SCN3A: variants seen among roughly 807,000 people sequenced by gnomAD.
SCN3A encodes the protein sodium voltage-gated channel alpha subunit 3, also known as sodium channel protein type 3 subunit alpha.
Under a neutral mutation model 187.6 loss-of-function variants are expected in SCN3A, and 60 were observed. That is an observed-to-expected ratio of 0.32 (90% CI 0.26 to 0.40). The LOEUF is 0.40. Among genes scored for constraint, SCN3A ranks in the 10% least tolerant of loss-of-function variants. The pLI is 1.00. For synonymous variants in SCN3A, 788 were observed against 829.2 expected (o/e 0.95, Z 0.85); for missense variants, 1,601 against 2,428.2 (o/e 0.66, Z 7.16).
intron 9 of SCN3A, among the ~76,000 whole-genome samples, chr2:165,160,923 G>T (rs2014205): frequency 6.6e-6 from 1 of 151,194 alleles, no homozygotes; most frequent in South Asian, 2.1e-4. Flanking sequence ...TTACAGGTGT[G>T]AGCCACCGCT....
intron 16 of SCN3A, among the ~76,000 whole-genome samples, chr2:165,130,998 G>C (rs1687283037): frequency 6.6e-6 from 1 of 151,968 alleles, no homozygotes. Context: ...TTAAAACACA[G>C]TTTTAGAAAG....
chr2:165,090,428 G>A lies in SCN3A; in HGVS notation c.5725C>T (p.Arg1909Cys), dbSNP rs200752113. The A allele has an allele frequency of 1.4e-5, 23 of 1,613,152 alleles. No homozygotes were observed. Among genetic ancestry groups the A allele is most frequent in the South Asian group, 3.3e-5 (3 of 91,064 alleles). The change falls in exon 28 of 28, where the codon CGT (arginine) becomes TGT (cysteine). Residue 1909 changes from arginine to cysteine, a missense_variant. Coordinates refer to ENST00000283254, the MANE Select transcript of SCN3A (RefSeq NM_006922.4). This position sits in a 1 kb window ranked among gnomAD's most constrained non-coding sequence, Gnocchi z 4.0. ...TTTAAAAGATAACATCTGAAATTAC[G>A]CTGAATGATAGCGGCAGACACCTCC... is the stretch of plus-strand genomic sequence containing the variant. Reference protein sequence around the residue: ...QEEVSAAIIQRNFRCYLLKQR... With the variant: ...QEEVSAAIIQCNFRCYLLKQR...
At chr2:165,150,710 C>CT (rs1171910049) in intron 11 of SCN3A, among the ~76,000 whole-genome samples, 1 of 151,990 alleles carries the variant, frequency 6.6e-6, no homozygotes, top group African/African-American at 2.4e-5. Context: ...AGACTATACT[C>CT]TTTTTAATTG....
chr2:165,088,310 A>G lies in SCN3A; in HGVS notation c.*1840T>C, dbSNP rs1477905159. On this transcript the variant is annotated 3_prime_UTR_variant, in exon 28 of 28. Transcript: ENST00000283254. ...TGTGCAAAAAACAAAAATTTATATCATGTTAGGTAATTGCACAACTTTGCC... is the reference window on the plus strand; with the variant it reads ...TGTGCAAAAAACAAAAATTTATATCGTGTTAGGTAATTGCACAACTTTGCC... 3 of 152,518 alleles carry G rather than the reference A, an allele frequency of 2.0e-5. No homozygotes were observed. Among genetic ancestry groups the G allele is most frequent in the African/African-American group, 7.2e-5 (3 of 41,446 alleles). 9.4% of individuals were successfully genotyped at this position (152,518 alleles called of 1,614,324 possible).
intron 19 of SCN3A, among the ~76,000 whole-genome samples, chr2:165,115,197 T>C (rs1686304473): frequency 6.6e-6 from 1 of 151,958 alleles, no homozygotes; most frequent in Non-Finnish European, 1.5e-5. Context: ...ACTACAGGCA[T>C]GTACCACCAT....
chr2:165,096,581 A>T (rs1010773811), intron 23 of SCN3A, 61 bp from the exon 24 acceptor site: 1 of 1,218,058 alleles, frequency 8.2e-7, no homozygotes, highest in Non-Finnish European at 1.2e-6. Flanking sequence ...ACATTTAACC[A>T]GATGAAAATC....
intron 1 of SCN3A, among the ~76,000 whole-genome samples, chr2:165,199,130 A>G (rs940314641): frequency 7.2e-5 from 11 of 152,020 alleles, no homozygotes; most frequent in Non-Finnish European, 1.5e-4. Context: ...GAAAATCAGG[A>G]GATTAAAATT....
At chr2:165,201,725 C>T (rs976285451) in intron 1 of SCN3A, among the ~76,000 whole-genome samples, 1 of 151,980 alleles carries the variant, frequency 6.6e-6, no homozygotes, top group African/African-American at 2.4e-5. Flanking sequence ...GTTTCCACTA[C>T]AGAAGGAACT....
chr2:165,118,994 C>CTTCG (rs1443586002), intron 18 of SCN3A, among the ~76,000 whole-genome samples: 1 of 151,222 alleles, frequency 6.6e-6, no homozygotes, highest in African/African-American at 2.4e-5. Context: ...GATCTCCTGA[C>CTTCG]TTCGTGATCA....
In SCN3A at chr2:165,176,353, G is replaced by A. The variant is rs1375108818; in HGVS notation, c.42C>T (p.Phe14=). 3 of 1,614,072 alleles carry A rather than the reference G, an allele frequency of 1.9e-6. No individual in the cohort carries two copies. Among genetic ancestry groups the A allele is most frequent in the Non-Finnish European group, 1.7e-6 (2 of 1,179,984 alleles). ...CAAGAGATTCTCTAGTAAAAAGGCG[G>A]AAGCTTTCAGGTCCTGGGGGTACCA... The part of the protein sequence containing the change: ...ALLVPPGPES[F]RLFTRESLAA... Residue 14 remains phenylalanine (F), a synonymous_variant, in exon 3 of 28, where the codon TTC becomes TTT. Transcript: ENST00000283254.
intron 11 of SCN3A, among the ~76,000 whole-genome samples, chr2:165,151,721 G>A (rs1036567327): frequency 3.3e-5 from 5 of 152,130 alleles, no homozygotes; most frequent in Non-Finnish European, 7.4e-5. Flanking sequence ...GGGTACCACA[G>A]AGGAGAGAGT....
In SCN3A at chr2:165,150,330, G is replaced by A. The variant is rs73971924; in HGVS notation, c.1381-3301C>T. Among the ~76,000 whole-genome samples, 782 of 152,260 alleles carry A rather than the reference G, an allele frequency of 5.1e-3. 2 individuals are homozygous for A. The highest frequency in any genetic ancestry group is 0.018 in the African/African-American group (747 of 41,542). On this transcript the variant is annotated intron_variant, in intron 11 of 27. Transcript: ENST00000283254. ...GATAGTAACTTTTGAAGAGTCGTAG[G>A]TGGTTAGGGAGACTTAAGCTACACT...
intron 2 of SCN3A, among the ~76,000 whole-genome samples, chr2:165,184,025 C>T (rs6727789): frequency 0.037 from 5,658 of 151,996 alleles, 344 homozygotes; most frequent in African/African-American, 0.13. Flanking sequence ...CAAGATTGAC[C>T]GATGAATTAC....
chr2:165,164,595 T>C, intron 5 of SCN3A, 75 bp from the exon 6 acceptor site: 1 of 1,508,880 alleles, frequency 6.6e-7, no homozygotes, highest in East Asian at 2.3e-5. Context: ...TCATAGCAAA[T>C]CCTATCCTTT....
At chr2:165,093,194 C>A (rs1004969660) in intron 26 of SCN3A, 1 of 152,092 alleles carries the variant, frequency 6.6e-6, no homozygotes, top group South Asian at 2.1e-4. Context: ...AGGTTAATAT[C>A]AACAGATATT....
chr2:165,090,621 A>G lies in SCN3A; in HGVS notation c.5532T>C (p.Gly1844=), dbSNP rs767798427. The G allele has an allele frequency of 9.3e-6, 15 of 1,613,962 alleles. No individual in the cohort carries two copies. The highest frequency in any genetic ancestry group is 1.3e-5 in the Non-Finnish European group (15 of 1,180,016). ...LIAMDLPMVS[G]DRIHCLDILF... ...AAATATCAAGACAGTGGATCCGGTC[A>G]CCACTGACCATGGGCAGATCCATGG... is the stretch of plus-strand genomic sequence containing the variant. The change falls in exon 28 of 28, where the codon GGT becomes GGC. Residue 1844 remains glycine, a synonymous_variant. Transcript: ENST00000283254. The surrounding 1 kb of genome is among the most constrained non-coding windows in gnomAD (Gnocchi z 4.0).
At chr2:165,188,590 C>A (rs182272677) in intron 1 of SCN3A, among the ~76,000 whole-genome samples, 1 of 152,012 alleles carries the variant, frequency 6.6e-6, no homozygotes, top group African/African-American at 2.4e-5. Context: ...GAGTTTGAGA[C>A]CAGCCTGACC....
At chr2:165,181,049 A>C (rs1690817767) in intron 2 of SCN3A, among the ~76,000 whole-genome samples, 1 of 152,192 alleles carries the variant, frequency 6.6e-6, no homozygotes, top group Non-Finnish European at 1.5e-5. Flanking sequence ...GAAAACAACT[A>C]TATTATTCAA....
At chr2:165,197,798 C>G (rs188878935) in intron 1 of SCN3A, among the ~76,000 whole-genome samples, 1 of 151,826 alleles carries the variant, frequency 6.6e-6, no homozygotes, top group Admixed American at 6.6e-5. Context: ...TATATTTTTG[C>G]CTGTTCTTCC....
Sources: gnomAD v4.1 joint callset for allele counts (sites outside exome capture counted in the v4.1 genomes callset) on GRCh38, gnomAD v4.1.1 for gene constraint, Gnocchi (gnomAD v3.1) non-coding constraint, MANE v1.5 for transcripts, NCBI Gene and HGNC (gene_info 2026-07-23, HGNC 2026-07-21) for gene names.